Variants in MTMR8 observed in about 807,000 individuals in gnomAD.
MTMR8 encodes the protein myotubularin related protein 8, also known as phosphatidylinositol-3,5-bisphosphate 3-phosphatase MTMR8.
In MTMR8, 65 loss-of-function variants were observed where a neutral mutation model predicts 39.3. That is an observed-to-expected ratio of 1.65 (90% CI 1.35 to 2.03). MTMR8 has a LOEUF of 2.03. Among genes scored for constraint, MTMR8 ranks in the 30% most tolerant of loss-of-function variants. The probability of loss-of-function intolerance (pLI) is 0.00; values close to 1 mark genes in which losing one functional copy is unlikely to be tolerated. For missense variants in MTMR8, 777 were observed against 538.9 expected, an observed-to-expected ratio of 1.44 and a Z score of -4.37; for synonymous variants, 245 against 185.2, an observed-to-expected ratio of 1.32 and a Z score of -2.62.
chrX:64,347,568 C>T (rs894821983), intron 6 of MTMR8, among the ~76,000 whole-genome samples: 1 of 111,982 alleles, frequency 8.9e-6, no homozygotes, highest in African/African-American at 3.2e-5. Flanking sequence ...AGGCAACTAT[C>T]TGGTTTCATG....
At chrX:64,322,076 C>G (rs936414404) in intron 12 of MTMR8, among the ~76,000 whole-genome samples, 2 of 107,642 alleles carry the variant, frequency 1.9e-5, no homozygotes, top group African/African-American at 3.4e-5. Flanking sequence ...CAGGGTCTTG[C>G]TCTGTGACCC....
At chrX:64,278,106 G>A (rs994588288) in intron 12 of MTMR8, among the ~76,000 whole-genome samples, 2 of 108,399 alleles carry the variant, frequency 1.8e-5, no homozygotes, top group African/African-American at 6.7e-5. Context: ...CTCTAAACTG[G>A]TTATTCTAGT....
chrX:64,269,856 AAAAG>A (rs1377062409), intron 13 of MTMR8, among the ~76,000 whole-genome samples: 2 of 112,038 alleles, frequency 1.8e-5, no homozygotes, highest in Non-Finnish European at 3.8e-5. Context: ...CTGTATTAAA[AAAAG>A]AAAGTTAATA....
intron 10 of MTMR8, among the ~76,000 whole-genome samples, chrX:64,333,374 T>G (rs976138638): frequency 1.8e-5 from 2 of 111,522 alleles, no homozygotes; most frequent in Non-Finnish European, 3.8e-5. Context: ...AAAAAAAAAT[T>G]TCTAACTTCT....
intron 1 of MTMR8, among the ~76,000 whole-genome samples, chrX:64,361,150 A>G (rs1253917799): frequency 8.9e-6 from 1 of 112,083 alleles, no homozygotes; most frequent in Non-Finnish European, 1.9e-5. Flanking sequence ...TGGAAAACTT[A>G]TAAGAACTGT....
chrX:64,330,319 G>C (rs1922908438), intron 11 of MTMR8, among the ~76,000 whole-genome samples: 1 of 111,734 alleles, frequency 8.9e-6, no homozygotes, highest in Non-Finnish European at 1.9e-5. Flanking sequence ...TGTAAAGACA[G>C]AGAGAGAGAA....
At chrX:64,362,471 G>GGA (rs1923810797) in intron 1 of MTMR8, among the ~76,000 whole-genome samples, 1 of 5,503 alleles carries the variant, frequency 1.8e-4, no homozygotes, top group African/African-American at 5.7e-4. Context: ...TACTATTGCA[G>GGA]AAAAAAAAAA....
chrX:64,358,078 G>A (rs1372986514), intron 2 of MTMR8, among the ~76,000 whole-genome samples: 3 of 112,022 alleles, frequency 2.7e-5, no homozygotes, highest in East Asian at 5.6e-4. Flanking sequence ...CATCTGTACT[G>A]TCTATAAATG....
intron 12 of MTMR8, among the ~76,000 whole-genome samples, chrX:64,294,767 C>A (rs550113459): frequency 6.3e-5 from 7 of 111,522 alleles, no homozygotes; most frequent in South Asian, 7.6e-4. Flanking sequence ...TCTCTGGGGT[C>A]TCATTTATAA....
chrX:64,345,264 T>C (rs1923321684), intron 6 of MTMR8, 87 bp from the exon 7 acceptor site: 1 of 927,781 alleles, frequency 1.1e-6, no homozygotes, highest in African/African-American at 2.0e-5. Flanking sequence ...TTCTGAACCG[T>C]TTAAAATCCT....
chrX:64,342,235 T>A (rs1382683396), intron 8 of MTMR8, among the ~76,000 whole-genome samples: 3 of 112,771 alleles, frequency 2.7e-5, no homozygotes, highest in African/African-American at 9.7e-5. Flanking sequence ...GGATTGTGGC[T>A]ATCTTAACTA....
chrX:64,312,582 T>C (rs998040804), intron 12 of MTMR8, among the ~76,000 whole-genome samples: 3 of 112,342 alleles, frequency 2.7e-5, no homozygotes, highest in African/African-American at 9.7e-5. Flanking sequence ...GAAAACCCCA[T>C]TGTCTCCGCC....
intron 12 of MTMR8, among the ~76,000 whole-genome samples, chrX:64,302,829 T>G (rs1921946463): frequency 8.9e-6 from 1 of 112,344 alleles, no homozygotes; most frequent in East Asian, 2.8e-4. Flanking sequence ...GCTGCTGGTC[T>G]TCAGAGTTCC....
In MTMR8 at chrX:64,342,867, G is replaced by A. The variant is rs781357235; in HGVS notation, c.975+744C>T. Among the ~76,000 whole-genome samples, 24 of 112,103 alleles carry A rather than the reference G, an allele frequency of 2.1e-4. No individual in the cohort carries two copies. The East Asian group carries it at 5.3e-3, about 25-fold the overall frequency. ...CAAATAATGGGGGTGGGATGAAGAG[G>A]TAGAGTACTCATGTAGAAATACATA... is the stretch of plus-strand genomic sequence containing the variant. On this transcript the variant is annotated intron_variant, in intron 8 of 13. Transcript: ENST00000374852.
intron 12 of MTMR8, among the ~76,000 whole-genome samples, chrX:64,315,725 C>T (rs897679773): frequency 4.5e-5 from 5 of 111,334 alleles, no homozygotes; most frequent in African/African-American, 1.6e-4. Context: ...AGATCATTTA[C>T]ATTTAAGATA....
At chrX:64,276,164 G>T (rs1164259669) in intron 12 of MTMR8, among the ~76,000 whole-genome samples, 2 of 110,748 alleles carry the variant, frequency 1.8e-5, no homozygotes, top group Non-Finnish European at 3.8e-5. Context: ...TTTTTGAAGG[G>T]TTTTTCATGT....
chrX:64,375,735 A>T (rs1306250383), intron 1 of MTMR8, among the ~76,000 whole-genome samples: 1 of 111,638 alleles, frequency 9.0e-6, no homozygotes, highest in African/African-American at 3.3e-5. Context: ...CCAGATACCA[A>T]ATCTGCATGC....
chrX:64,335,556 A>G lies in MTMR8; in HGVS notation c.1151+523T>C, dbSNP rs905633483. Among the ~76,000 whole-genome samples the G allele has an allele frequency of 8.0e-5, 9 of 112,463 alleles. No individual in the cohort carries two copies. The East Asian group carries it at 1.1e-3, about 14-fold the overall frequency. On this transcript the variant is annotated intron_variant, in intron 10 of 13. Coordinates refer to ENST00000374852, the MANE Select transcript of MTMR8 (RefSeq NM_017677.4). ...AACACAGGTAAAGCCTTAGTGAGGC[A>G]GTTTGGTTTATAGCAGACAACAGAT... is the stretch of plus-strand genomic sequence containing the variant.
In MTMR8 at chrX:64,283,720, G is replaced by A. The variant is rs192876275; in HGVS notation, c.1482-12647C>T. ...CTGATACCCAGGCAAACAGGGTCTG[G>A]AGTGGACCTCCAGCAAACTCCAACA... On this transcript the variant is annotated intron_variant, in intron 12 of 13. Transcript: ENST00000374852. Among the ~76,000 whole-genome samples the A allele has an allele frequency of 7.1e-5, 8 of 112,528 alleles. No homozygotes were observed. In the East Asian group the frequency reaches 1.7e-3, roughly 24 times the overall value.
Sources: gnomAD v4.1 joint callset for allele counts (sites outside exome capture counted in the v4.1 genomes callset) on GRCh38, gnomAD v4.1.1 for gene constraint, MANE v1.5 for transcripts, NCBI Gene and HGNC (gene_info 2026-07-23, HGNC 2026-07-21) for gene names.